The following TRIM51 variants were observed in gnomAD, a reference collection of about 807,000 sequenced individuals.
TRIM51 encodes tripartite motif-containing protein 51.
Under a neutral mutation model 32.7 loss-of-function variants are expected in TRIM51, and 23 were observed. That is an observed-to-expected ratio of 0.70 (90% confidence interval 0.51 to 1.00). TRIM51 has a LOEUF of 1.00. Ranked by LOEUF, TRIM51 falls within the 50% of genes least tolerant of loss-of-function variation. The pLI, the probability that TRIM51 is intolerant of heterozygous loss-of-function variation, is 0.00. For synonymous variants in TRIM51, 177 were observed against 181.9 expected (o/e 0.97, Z 0.22); for missense variants, 592 against 539.2 (o/e 1.10, Z -0.97).
In TRIM51 at chr11:55,883,385, G is replaced by A. The variant is rs1054530448; in HGVS notation, c.-5+1G>A. 6.6e-6 allele frequency: 1 copy of A among 152,170 alleles called. No individual in the cohort carries two copies. Among genetic ancestry groups the A allele is most frequent in the African/African-American group, 2.4e-5 (1 of 41,450 alleles). The allele number at this position is 152,170 out of a possible 1,614,324, so 9.4% of individuals were successfully genotyped here. A position where few individuals can be genotyped will look rare whatever the true frequency, so the allele number is the denominator to read the frequency against. Reference sequence around the variant, plus strand: ...CAGGAAACATTCATAGAACCTTGGGGTGAGTGCAACTTCTATGGAGAAAAT... The same window carrying A: ...CAGGAAACATTCATAGAACCTTGGGATGAGTGCAACTTCTATGGAGAAAAT... On this transcript the variant is annotated splice_donor_variant, in intron 1 of 6. Coordinates refer to ENST00000449290, the MANE Select transcript of TRIM51 (RefSeq NM_032681.4). LOFTEE classifies it low-confidence loss of function (5UTR_SPLICE).
intron 4 of TRIM51, 27 bp downstream of exon 4, chr11:55,888,289 A>T: frequency 6.5e-7 from 1 of 1,538,976 alleles, no homozygotes; most frequent in Non-Finnish European, 9.0e-7. Context: ...GGGTATCATG[A>T]TGTTGAACAT....
Position 55,891,654 on chromosome 11 carries a change from G to T in TRIM51, c.*22G>T. The stretch of plus-strand genomic sequence containing the variant: ...CTGACCAGAGAAAAGTCAGAAATGT[G>T]CCTGTATGCTCTGGGAACCTGTTTA... On this transcript the variant is annotated 3_prime_UTR_variant, in exon 7 of 7. Coordinates refer to ENST00000449290, the MANE Select transcript of TRIM51 (RefSeq NM_032681.4). 1 of 1,612,006 alleles carries T rather than the reference G, an allele frequency of 6.2e-7. No homozygotes were observed. The highest frequency in any genetic ancestry group is 8.5e-7 in the Non-Finnish European group (1 of 1,179,306).
At chr11:55,888,950 T>A in intron 4 of TRIM51, 29 bp from the exon 5 acceptor site, 2 of 1,605,504 alleles carry the variant, frequency 1.2e-6, no homozygotes, top group Non-Finnish European at 1.7e-6. Flanking sequence ...TGGAAAGCGC[T>A]AAGCCTTTCT....
intron 6 of TRIM51, among the ~76,000 whole-genome samples, 186 bp downstream of exon 6, chr11:55,890,225 T>C (rs1262059096): frequency 2.0e-5 from 3 of 152,182 alleles, no homozygotes; most frequent in African/African-American, 7.2e-5. Context: ...GAGTACAACA[T>C]AGTGAAAAAC....
chr11:55,888,321 C>G, intron 4 of TRIM51, 59 bp downstream of exon 4: 1 of 1,301,288 alleles, frequency 7.7e-7, no homozygotes, highest in Non-Finnish European at 1.1e-6. Flanking sequence ...GGTGTTTTTC[C>G]TCTCTCCTGA....
intron 4 of TRIM51, 78 bp from the exon 5 acceptor site, chr11:55,888,901 T>A (rs1590634269): frequency 7.6e-7 from 1 of 1,324,274 alleles, no homozygotes; most frequent in East Asian, 2.3e-5. Flanking sequence ...AGAAACTGTC[T>A]CCAAATCTCA....
At chr11:55,886,747 T>C (rs140692052) in intron 3 of TRIM51, among the ~76,000 whole-genome samples, 464 of 152,266 alleles carry the variant, frequency 3.0e-3, no homozygotes, top group African/African-American at 0.011. Context: ...GCGAGAAATG[T>C]ACACTTGTGT....
At position 55,888,085 on chromosome 11, in the gene TRIM51, T is replaced by C; in HGVS notation, c.561T>C (p.Pro187=). ...EAIRAEYQKM[P]AFLHEEEQHH... ...TCAGAGCTGAATATCAGAAGATGCCTGCATTTCTCCATGAAGAAGAGCAAC... is the reference window on the plus strand; with the variant it reads ...TCAGAGCTGAATATCAGAAGATGCCCGCATTTCTCCATGAAGAAGAGCAAC... The change falls in exon 4 of 7, where the codon CCT becomes CCC. Residue 187 remains proline (P), a synonymous_variant. Coordinates refer to ENST00000449290, the MANE Select transcript of TRIM51 (RefSeq NM_032681.4). 1 of 1,613,630 alleles carries C rather than the reference T, an allele frequency of 6.2e-7. No homozygotes were observed. The highest frequency in any genetic ancestry group is 8.5e-7 in the Non-Finnish European group (1 of 1,179,642).
chr11:55,888,387 T>G, intron 4 of TRIM51, 125 bp downstream of exon 4: 1 of 781,948 alleles, frequency 1.3e-6, no homozygotes, highest in Non-Finnish European at 2.2e-6. Flanking sequence ...ATTCCATAAC[T>G]AATGCTACTT....
Position 55,888,213 on chromosome 11 carries a change from A to T in TRIM51, c.689A>T (p.Tyr230Phe). The T allele has an allele frequency of 6.2e-7, 1 of 1,613,602 alleles. No homozygotes were observed. The highest frequency in any genetic ancestry group is 8.5e-7 in the Non-Finnish European group (1 of 1,179,624). Reference protein sequence around the residue: ...EHSRELLRGMYEDLKQMCHKA... With the variant: ...EHSRELLRGMFEDLKQMCHKA... ...TCCAGGGAGCTTTTAAGAGGAATGT[A>T]TGAGGATCTGAAGCAAATGTGCCAT... is the stretch of plus-strand genomic sequence containing the variant. Residue 230 changes from tyrosine (Y) to phenylalanine (F), a missense_variant, in exon 4 of 7, where the codon TAT becomes TTT. Coordinates refer to ENST00000449290, the MANE Select transcript of TRIM51 (RefSeq NM_032681.4).
Position 55,891,502 on chromosome 11 carries a change from G to A in TRIM51, c.1229G>A (p.Gly410Glu). 1.2e-6 allele frequency: 2 copies of A among 1,613,556 alleles called. No homozygotes were observed. The highest frequency in any genetic ancestry group is 1.3e-5 in the African/African-American group (1 of 75,016). The change falls in exon 7 of 7, where the codon GGA becomes GAA. Residue 410 changes from glycine (G) to glutamate (E), a missense_variant. Transcript: ENST00000449290. ...GTTCCAAGACCTACCAGCACAGTAG[G>A]ATTATTCCTGGATTGTGAAGGTAGA... ...QYVPRPTSTV[G>E]LFLDCEGRTV...
intron 4 of TRIM51, among the ~76,000 whole-genome samples, chr11:55,888,711 T>C (rs1854608880): frequency 1.3e-5 from 2 of 152,170 alleles, no homozygotes; most frequent in East Asian, 3.9e-4. Context: ...AGCTTCTTTA[T>C]GGTTACCACA....
chr11:55,891,695 T>C lies in TRIM51; in HGVS notation c.*63T>C. ...AACCTGTTTATCCCAGAAAGCCCTC[T>C]TTTTCGCACCTCATCAAACAGAACA... On this transcript the variant is annotated 3_prime_UTR_variant, in exon 7 of 7. Transcript: ENST00000449290. 1 of 1,575,736 alleles carries C rather than the reference T, an allele frequency of 6.3e-7. No individual in the cohort carries two copies. Among genetic ancestry groups the C allele is most frequent in the East Asian group, 2.2e-5 (1 of 44,658 alleles).
intron 5 of TRIM51, among the ~76,000 whole-genome samples, 188 bp downstream of exon 5, chr11:55,889,189 A>G (rs4107303): frequency 0.17 from 26,080 of 151,980 alleles, 2,505 homozygotes; most frequent in Admixed American, 0.21. Context: ...AAGCAGCTCA[A>G]TGAAAGTTCT....
intron 1 of TRIM51, 66 bp from the exon 2 acceptor site, chr11:55,885,359 C>T (rs1854561797): frequency 1.3e-6 from 2 of 1,526,724 alleles, no homozygotes; most frequent in Admixed American, 1.7e-5. Context: ...TATCACATAT[C>T]ACCACATGTT....
chr11:55,888,902 C>T (rs1854611953), intron 4 of TRIM51, 77 bp from the exon 5 acceptor site: 1 of 1,333,252 alleles, frequency 7.5e-7, no homozygotes, highest in African/African-American at 1.4e-5. Flanking sequence ...GAAACTGTCT[C>T]CAAATCTCAC....
intron 3 of TRIM51, among the ~76,000 whole-genome samples, chr11:55,886,947 T>C (rs1443956441): frequency 1.3e-5 from 2 of 152,112 alleles, no homozygotes; most frequent in Admixed American, 6.6e-5. Context: ...TATGAGTACC[T>C]AGCCTATGTC....
At chr11:55,883,607 TG>T in intron 1 of TRIM51, among the ~76,000 whole-genome samples, 1 of 152,316 alleles carries the variant, frequency 6.6e-6, no homozygotes, top group East Asian at 1.9e-4. Context: ...AGATATCTAG[TG>T]TTTGCTGCAA....
At position 55,885,634 on chromosome 11, in the gene TRIM51, G is replaced by A. The variant is rs1854567233; in HGVS notation, c.206G>A (p.Cys69Tyr). 1 of 1,610,806 alleles carries A rather than the reference G, an allele frequency of 6.2e-7. No homozygotes were observed. The highest frequency in any genetic ancestry group is 1.3e-5 in the African/African-American group (1 of 74,942). ...CAGAGAAACCTCAACACTGACATTT[G>A]TTTGAAGAACATGGCTTTCATTGCC... ...TRQRNLNTDICLKNMAFIARK... is the reference protein window; with the variant it reads ...TRQRNLNTDIYLKNMAFIARK... The change falls in exon 2 of 7, where the codon TGT (cysteine) becomes TAT (tyrosine). Residue 69 changes from cysteine (C) to tyrosine (Y), a missense_variant. By Grantham distance (194) the Cys-to-Tyr change is radical. Transcript: ENST00000449290.
Sources: allele counts gnomAD v4.1 joint callset (sites outside exome capture counted in the v4.1 genomes callset), GRCh38; gene constraint gnomAD v4.1.1; transcripts MANE v1.5; gene names NCBI Gene and HGNC (gene_info 2026-07-23, HGNC 2026-07-21).